The following BCCIP variants were observed in gnomAD, a reference collection of about 807,000 sequenced individuals.
BCCIP encodes BRCA2 and CDKN1A-interacting protein.
In BCCIP, 23 loss-of-function variants were observed where a neutral mutation model predicts 32.8. The ratio of observed to expected loss-of-function variants is 0.70; its 90% CI spans 0.51 to 0.99. The LOEUF (loss-of-function observed/expected upper bound fraction) is 0.99. Ranked by LOEUF, BCCIP falls within the 50% of genes least tolerant of loss-of-function variation. The pLI is 0.00. For missense variants in BCCIP, 378 were observed against 379.8 expected (o/e 1.00, Z 0.04); for synonymous variants, 144 against 137.6 (o/e 1.05, Z -0.33).
chr10:125,825,898 A>AT (rs752206849), intron 1 of BCCIP: 9 of 152,174 alleles, frequency 5.9e-5, no homozygotes, highest in Non-Finnish European at 1.3e-4. Flanking sequence ...CCAGCTACAC[A>AT]TTCATTCTTC....
exon 8 of BCCIP, chr10:125,853,213 C>T (rs755488722): frequency 1.9e-6 from 3 of 1,611,936 alleles, no homozygotes; most frequent in Non-Finnish European, 2.5e-6. Context: ...TCCAGGGAAC[C>T]TTCATGACTG....
chr10:125,849,280 TA>T (rs1370006206), intron 7 of BCCIP, among the ~76,000 whole-genome samples: 6 of 152,216 alleles, frequency 3.9e-5, no homozygotes, highest in African/African-American at 1.4e-4. Flanking sequence ...CATATCAACT[TA>T]AATGATAAGC....
chr10:125,825,597 A>G (rs1854371811), intron 1 of BCCIP: 1 of 152,208 alleles, frequency 6.6e-6, no homozygotes, highest in African/African-American at 2.4e-5. Flanking sequence ...CAATTTTACA[A>G]TTAAGGAAGA....
At chr10:125,842,569 A>G (rs1035099644) in exon 7 of BCCIP, 3 of 152,382 alleles carry the variant, frequency 2.0e-5, no homozygotes, top group African/African-American at 7.2e-5. Context: ...ACCTGAAAGG[A>G]TCACACTGCA....
chr10:125,823,630 G>C lies in BCCIP; in HGVS notation c.73G>C (p.Asp25His), dbSNP rs758233007. 5 of 1,614,142 alleles carry C rather than the reference G, an allele frequency of 3.1e-6. No individual in the cohort carries two copies. The South Asian group carries it at 5.5e-5, about 18-fold the overall frequency. Residue 25 changes from aspartate (D) to histidine (H), a missense_variant, in exon 1 of 7, where the codon GAC (aspartate) becomes CAC (histidine). Coordinates refer to ENST00000278100, the MANE Select transcript of BCCIP (RefSeq NM_078468.3). The part of the protein sequence containing the change: ...PQPPDPPVQR[D>H]EEEEKEVENE... ...GCCGCCGGATCCCCCAGTCCAGCGC[G>C]ACGAGGAAGAGGAAAAAGAAGTCGA...
At chr10:125,838,082 C>T, downstream of BCCIP, 1 of 879,012 alleles carries the variant, frequency 1.1e-6, no homozygotes, top group African/African-American at 1.7e-5. Context: ...TAGGTACTGT[C>T]AACGTAAATT....
At chr10:125,842,076 A>G (rs1321474573) in exon 7 of BCCIP, 9 of 1,075,802 alleles carry the variant, frequency 8.4e-6, no homozygotes, top group Non-Finnish European at 1.1e-5. Context: ...ACCAAATACC[A>G]GGGAGTGAAG....
chr10:125,824,000 C>T (rs1303724943), intron 1 of BCCIP, among the ~76,000 whole-genome samples: 1 of 152,220 alleles, frequency 6.6e-6, no homozygotes, highest in Non-Finnish European at 1.5e-5. Context: ...CTCTTTAGTT[C>T]TCAGGCTGAA....
In BCCIP at chr10:125,833,729, C is replaced by T. The variant is rs760776961; in HGVS notation, c.600-43C>T. On this transcript the variant is annotated intron_variant, in intron 5 of 6. Transcript: ENST00000278100. The stretch of plus-strand genomic sequence containing the variant: ...TGCTCTGGTTTGTTGATGGATTTCA[C>T]TTGACCCAGCAGGTAAACAAATGTT... 3.1e-6 allele frequency: 5 copies of T among 1,606,010 alleles called. No homozygotes were observed. In the South Asian group the frequency reaches 4.5e-5, roughly 14 times the overall value.
At chr10:125,846,567 A>G (rs981325824), downstream of BCCIP, among the ~76,000 whole-genome samples, 5 of 152,188 alleles carry the variant, frequency 3.3e-5, no homozygotes, top group African/African-American at 1.2e-4. Flanking sequence ...TGGCCCTTCT[A>G]GCATGGATGG....
intron 3 of BCCIP, among the ~76,000 whole-genome samples, chr10:125,829,270 G>C (rs1003966919): frequency 4.6e-5 from 7 of 152,186 alleles, no homozygotes; most frequent in African/African-American, 1.7e-4. Flanking sequence ...TAAACAAAAT[G>C]AATTGCTGAC....
At chr10:125,841,638 A>C (rs1255030014) in exon 7 of BCCIP, 1 of 1,497,574 alleles carries the variant, frequency 6.7e-7, no homozygotes, top group Non-Finnish European at 8.8e-7. Flanking sequence ...GTTGATCACT[A>C]TCTCTGCTCT....
downstream of BCCIP, among the ~76,000 whole-genome samples, chr10:125,843,695 A>G (rs1589704966): frequency 6.6e-6 from 1 of 152,172 alleles, no homozygotes; most frequent in East Asian, 1.9e-4. Flanking sequence ...ATTAGAAGCC[A>G]CTACTGTAGG....
At chr10:125,843,733 T>C (rs1173143898), downstream of BCCIP, among the ~76,000 whole-genome samples, 1 of 152,192 alleles carries the variant, frequency 6.6e-6, no homozygotes, top group Non-Finnish European at 1.5e-5. Flanking sequence ...GAAGCTGCGA[T>C]GCAGCCTACC....
At chr10:125,836,706 T>C (rs1854697296), downstream of BCCIP, 2 of 1,614,080 alleles carry the variant, frequency 1.2e-6, no homozygotes, top group African/African-American at 2.7e-5. Flanking sequence ...AGTGCATCTC[T>C]GTTCAGTTTC....
At chr10:125,827,536 A>C in intron 2 of BCCIP, 22 bp from the exon 3 acceptor site, 2 of 1,494,206 alleles carry the variant, frequency 1.3e-6, no homozygotes, top group Non-Finnish European at 1.9e-6. Context: ...CTTAATTTAA[A>C]ATAATTTTTT....
Position 125,852,495 on chromosome 10 carries a change from C to T in BCCIP, c.851-630C>T. On this transcript the variant is annotated intron_variant, in intron 7 of 7. Transcript: ENST00000368759. ...AATGGCTTTAATATTTCTGGGTTGCCTGCATACAAGAATTGACAACATTTA... is the reference window on the plus strand; with the variant it reads ...AATGGCTTTAATATTTCTGGGTTGCTTGCATACAAGAATTGACAACATTTA... 1.9e-6 allele frequency: 3 copies of T among 1,613,410 alleles called. 1 individual carries two copies. The Middle Eastern group carries it at 5.0e-4, about 266-fold the overall frequency.
chr10:125,834,082 A>G, intron 6 of BCCIP, 136 bp downstream of exon 6: 1 of 940,280 alleles, frequency 1.1e-6, no homozygotes, highest in South Asian at 1.6e-5. Context: ...TCCCCACAGG[A>G]CCTAGCAGCT....
exon 7 of BCCIP, chr10:125,842,274 G>A: frequency 1.2e-5 from 3 of 245,826 alleles, no homozygotes. Context: ...CGCGGTCACA[G>A]TACTGGAGAG....
Sources: allele counts gnomAD v4.1 joint callset (sites outside exome capture counted in the v4.1 genomes callset), GRCh38; gene constraint gnomAD v4.1.1; transcripts MANE v1.5; gene names NCBI Gene and HGNC (gene_info 2026-07-23, HGNC 2026-07-21).